Variants in GREB1 observed in about 807,000 individuals in gnomAD.
GREB1 encodes the protein protein GREB1.
In GREB1, 106 loss-of-function variants were observed where a neutral mutation model predicts 200.7. The ratio of observed to expected loss-of-function variants is 0.53; its 90% CI spans 0.45 to 0.62. GREB1 has a LOEUF of 0.62. GREB1 is among the 20% of genes least tolerant of loss of function. GREB1 has a pLI of 0.00. For synonymous variants in GREB1, 1,132 were observed against 1,092.4 expected, an observed-to-expected ratio of 1.04 and a Z score of -0.72; for missense variants, 2,243 against 2,556.8, an observed-to-expected ratio of 0.88 and a Z score of 2.65.
chr2:11,522,475 C>A (rs1673735517), intron 1 of GREB1, among the ~76,000 whole-genome samples: 1 of 152,112 alleles, frequency 6.6e-6, no homozygotes. Flanking sequence ...ACAACTGTCG[C>A]CTGAATACTG....
At chr2:11,607,948 A>G (rs1682558852) in intron 17 of GREB1, among the ~76,000 whole-genome samples, 1 of 152,204 alleles carries the variant, frequency 6.6e-6, no homozygotes, top group Non-Finnish European at 1.5e-5. Flanking sequence ...TATCTGTATG[A>G]TGGTTTTATT....
intron 10 of GREB1, among the ~76,000 whole-genome samples, chr2:11,589,803 G>A (rs189262213): frequency 6.6e-6 from 1 of 152,292 alleles, no homozygotes; most frequent in East Asian, 1.9e-4. Flanking sequence ...GCCTTTGAAG[G>A]GGGTGGGAGC....
rs183116688 is a variant in GREB1 at position 11,570,670 on chromosome 2, A to G, written c.454+4014A>G. Among the ~76,000 whole-genome samples the G allele has an allele frequency of 2.6e-4, 39 of 151,946 alleles. No individual in the cohort carries two copies. The East Asian group carries it at 5.0e-3, about 20-fold the overall frequency. On this transcript the variant is annotated intron_variant, in intron 4 of 32. Transcript: ENST00000381486. ...ACCCTTATAATTGATATTTTTAAGG[A>G]TATTTAGAGTGTTAGATGTTAAATT... is the stretch of plus-strand genomic sequence containing the variant.
chr2:11,585,419 T>G, intron 8 of GREB1, 145 bp downstream of exon 8: 1 of 602,910 alleles, frequency 1.7e-6, no homozygotes, highest in Non-Finnish European at 2.9e-6. Context: ...GGAGGCAGAG[T>G]TTGGTGTGAC....
At chr2:11,523,314 G>A (rs536579539) in intron 1 of GREB1, among the ~76,000 whole-genome samples, 43 of 151,850 alleles carry the variant, frequency 2.8e-4, no homozygotes, top group Middle Eastern at 3.2e-3. Context: ...AACAATCTGT[G>A]CAAAACCCCC....
chr2:11,621,146 G>A, intron 23 of GREB1, 139 bp downstream of exon 23: 1 of 633,984 alleles, frequency 1.6e-6, no homozygotes, highest in East Asian at 2.7e-5. Context: ...TGTAGGGGGT[G>A]CTATTTATCT....
Position 11,574,291 on chromosome 2 carries a change from A to C in GREB1, c.455-2062A>C, listed in dbSNP as rs145580347. On this transcript the variant is annotated intron_variant, in intron 4 of 32. Transcript: ENST00000381486. The stretch of plus-strand genomic sequence containing the variant: ...AGTCATGCTGCGAGCTTAGAGGAAT[A>C]ATGATGGGAAAAAGACACAAATTTC... Among the ~76,000 whole-genome samples the C allele has an allele frequency of 2.5e-3, 377 of 152,348 alleles. 1 individual carries two copies. Among genetic ancestry groups the C allele is most frequent in the Admixed American group, 6.0e-3 (92 of 15,306 alleles).
intron 19 of GREB1, among the ~76,000 whole-genome samples, chr2:11,613,900 C>T (rs2148326141): frequency 6.6e-6 from 1 of 152,248 alleles, no homozygotes; most frequent in East Asian, 1.9e-4. Context: ...CCCACTGGAA[C>T]CCTCACGTAC....
chr2:11,582,100 T>C (rs1049323504), intron 7 of GREB1, among the ~76,000 whole-genome samples: 1 of 152,190 alleles, frequency 6.6e-6, no homozygotes, highest in African/African-American at 2.4e-5. Flanking sequence ...GCTGCAGAGC[T>C]GGACCTCTGG....
In GREB1 at chr2:11,585,289, C is replaced by G; in HGVS notation, c.1015+15C>G. ...AGCTAAGTATGGTAAGTGATGGCAG[C>G]CTTGCCCAGAATTCCAGACTTGGGT... On this transcript the variant is annotated intron_variant, in intron 8 of 32. Coordinates refer to ENST00000381486, the MANE Select transcript of GREB1 (RefSeq NM_014668.4). 1 of 1,453,824 alleles carries G rather than the reference C, an allele frequency of 6.9e-7. No homozygotes were observed. Among genetic ancestry groups the G allele is most frequent in the Non-Finnish European group, 9.3e-7 (1 of 1,080,682 alleles). 90.1% of individuals were successfully genotyped at this position (1,453,824 alleles called of 1,614,324 possible). A position where few individuals can be genotyped will look rare whatever the true frequency, so the allele number is the denominator to read the frequency against.
rs528844800 is a variant in GREB1 at position 11,492,273 on chromosome 2, C to T, written c.-159+9892C>T. Among the ~76,000 whole-genome samples, 1 of 152,316 alleles carries T rather than the reference C, an allele frequency of 6.6e-6. No individual in the cohort carries two copies. The highest frequency in any genetic ancestry group is 6.5e-5 in the Admixed American group (1 of 15,298). ...GTAGAAGCAACCATGCCACATTTGG[C>T]TAAGTCTGAAGTTAGGACAAAAACA... On this transcript the variant is annotated intron_variant, in intron 1 of 2. Coordinates refer to the GREB1 transcript ENST00000628795. The surrounding 1 kb of genome is among the most constrained non-coding windows in gnomAD (Gnocchi z 4.0).
In GREB1 at chr2:11,618,398, G is replaced by C; in HGVS notation, c.3523G>C (p.Glu1175Gln). 6.2e-7 allele frequency: 1 copy of C among 1,611,370 alleles called. No homozygotes were observed. The highest frequency in any genetic ancestry group is 1.1e-5 in the South Asian group (1 of 90,844). Residue 1175 changes from glutamate to glutamine, a missense_variant, in exon 22 of 33, where the codon GAG becomes CAG. Glu to Gln is a conservative substitution (Grantham distance 29). Transcript: ENST00000381486. ...GPAEEGRAPG[E>Q]KQRPRASQGP... Reference sequence around the variant, plus strand: ...CGCAGAGGAGGGCAGAGCCCCTGGTGAGAAACAGAGGCCCCGGGCAAGTCA... The same window carrying C: ...CGCAGAGGAGGGCAGAGCCCCTGGTCAGAAACAGAGGCCCCGGGCAAGTCA...
chr2:11,618,023 C>T (rs554932569), intron 21 of GREB1, among the ~76,000 whole-genome samples: 4 of 133,120 alleles, frequency 3.0e-5, no homozygotes, highest in Admixed American at 2.3e-4. Context: ...AGAAAAGCTG[C>T]AACCACTGGG....
chr2:11,628,445 C>T (rs563191875), intron 25 of GREB1, among the ~76,000 whole-genome samples: 2 of 152,272 alleles, frequency 1.3e-5, no homozygotes, highest in African/African-American at 4.8e-5. Flanking sequence ...CAGAGGGAAA[C>T]AGCACCTGTC....
chr2:11,521,265 A>G (rs1401288649), intron 1 of GREB1, among the ~76,000 whole-genome samples: 1 of 152,080 alleles, frequency 6.6e-6, no homozygotes. Context: ...ATGTGCCACC[A>G]TACCAAGCTA....
intron 1 of GREB1, among the ~76,000 whole-genome samples, chr2:11,513,575 ACT>A (rs1673408424): frequency 6.6e-6 from 1 of 151,938 alleles, no homozygotes; most frequent in South Asian, 2.1e-4. Flanking sequence ...CTTTTCTGAA[ACT>A]CTATAGTCCT....
Position 11,602,298 on chromosome 2 carries a change from G to A in GREB1, c.2530-108G>A, listed in dbSNP as rs1012557789. 3.7e-5 allele frequency: 34 copies of A among 921,378 alleles called. No homozygotes were observed. The South Asian group carries it at 4.2e-4, about 11-fold the overall frequency. 57.1% of individuals were successfully genotyped at this position (921,378 alleles called of 1,614,324 possible). A position where few individuals can be genotyped will look rare whatever the true frequency, so the allele number is the denominator to read the frequency against. ...ATCCAAGCCACTGCACAGTGGGCACGATTTGGATGAAGTTGCCAACCCAGG... is the reference window on the plus strand; with the variant it reads ...ATCCAAGCCACTGCACAGTGGGCACAATTTGGATGAAGTTGCCAACCCAGG... On this transcript the variant is annotated intron_variant, in intron 16 of 32. Coordinates refer to ENST00000381486, the MANE Select transcript of GREB1 (RefSeq NM_014668.4).
chr2:11,608,141 G>T (rs1215259701), intron 17 of GREB1, among the ~76,000 whole-genome samples: 1 of 152,132 alleles, frequency 6.6e-6, no homozygotes, highest in African/African-American at 2.4e-5. Context: ...ATTGTGGCTG[G>T]CAGGGCAAGG....
intron 3 of GREB1, 177 bp downstream of exon 3, chr2:11,562,759 G>A: frequency 8.3e-6 from 5 of 599,838 alleles, no homozygotes; most frequent in Non-Finnish European, 1.3e-5. Flanking sequence ...GGCCCGGCCT[G>A]CCCTCCTGAA....
Sources: gnomAD v4.1 joint callset for allele counts (sites outside exome capture counted in the v4.1 genomes callset) on GRCh38, gnomAD v4.1.1 for gene constraint, Gnocchi (gnomAD v3.1) non-coding constraint, MANE v1.5 for transcripts, NCBI Gene and HGNC (gene_info 2026-07-23, HGNC 2026-07-21) for gene names.